Variants in UIMC1 observed in about 807,000 individuals in gnomAD.
UIMC1 encodes the protein ubiquitin interaction motif containing 1, also known as BRCA1-A complex subunit RAP80.
In UIMC1, 42 loss-of-function variants were observed where a neutral mutation model predicts 84.9. That is an observed-to-expected ratio of 0.49 (90% CI 0.39 to 0.64). UIMC1 has a LOEUF of 0.64. Among genes scored for constraint, UIMC1 ranks in the 30% least tolerant of loss-of-function variants. The pLI is 0.00. For missense variants in UIMC1, 825 were observed against 847.6 expected (o/e 0.97, Z 0.33); for synonymous variants, 281 against 293.0 (o/e 0.96, Z 0.42).
intron 1 of UIMC1, among the ~76,000 whole-genome samples, chr5:176,985,410 C>T (rs1014509237): frequency 3.3e-5 from 5 of 150,004 alleles, no homozygotes; most frequent in South Asian, 2.1e-4. Flanking sequence ...GAGCTGAGAT[C>T]GCACCACTGC....
intron 4 of UIMC1, 168 bp downstream of exon 4, chr5:176,970,574 G>T: frequency 9.7e-7 from 1 of 1,028,766 alleles, no homozygotes; most frequent in Non-Finnish European, 1.5e-6. Flanking sequence ...ACTTTAAATT[G>T]GGTTAACCAA....
At chr5:177,007,166 C>A (rs1419042460), upstream of UIMC1, among the ~76,000 whole-genome samples, 1 of 151,684 alleles carries the variant, frequency 6.6e-6, no homozygotes, top group Non-Finnish European at 1.5e-5. Flanking sequence ...CATAGAGAAA[C>A]CCCTTCTGTA....
intron 1 of UIMC1, chr5:177,001,475 C>T (rs1198658667): frequency 6.6e-6 from 1 of 152,134 alleles, no homozygotes; most frequent in South Asian, 2.1e-4. Flanking sequence ...CCAAACTGAT[C>T]CTAGGTTGTT....
In UIMC1 at chr5:176,907,102, T is replaced by C; in HGVS notation, c.1912+12A>G. ...AGGCAGAAGCCCAGAAAACTGGTCC[T>C]GGGGTCCTCACCTGAAGTCTTGTGC... On this transcript the variant is annotated intron_variant, in intron 13 of 14. Coordinates refer to ENST00000511320, the MANE Select transcript of UIMC1 (RefSeq NM_001199298.2). 6.2e-7 allele frequency: 1 copy of C among 1,613,514 alleles called. No individual in the cohort carries two copies. The highest frequency in any genetic ancestry group is 8.5e-7 in the Non-Finnish European group (1 of 1,179,736).
chr5:176,976,878 T>C (rs1319102073), intron 2 of UIMC1, among the ~76,000 whole-genome samples: 1 of 152,056 alleles, frequency 6.6e-6, no homozygotes, highest in Non-Finnish European at 1.5e-5. Flanking sequence ...CACAGTATAG[T>C]GTGGGGTGAG....
intron 10 of UIMC1, among the ~76,000 whole-genome samples, chr5:176,939,990 C>T (rs957823142): frequency 2.6e-5 from 4 of 152,118 alleles, no homozygotes; most frequent in Admixed American, 6.6e-5. Flanking sequence ...CAGCATTAGA[C>T]GGGGTCACTG....
chr5:176,956,076 A>C (rs756359226), intron 7 of UIMC1, 41 bp from the exon 8 acceptor site: 1 of 1,599,532 alleles, frequency 6.3e-7, no homozygotes, highest in Non-Finnish European at 8.6e-7. Context: ...CCAGTAAAAT[A>C]AATCAGAACA....
At chr5:176,945,969 T>A (rs1483750951) in intron 9 of UIMC1, among the ~76,000 whole-genome samples, 1 of 152,212 alleles carries the variant, frequency 6.6e-6, no homozygotes, top group Admixed American at 6.5e-5. Flanking sequence ...TACTTCTACA[T>A]AGAAATGTAC....
intron 1 of UIMC1, chr5:177,002,110 G>T (rs1774588327): frequency 7.0e-6 from 1 of 142,796 alleles, no homozygotes; most frequent in African/African-American, 2.7e-5. Context: ...GCAACAGTAA[G>T]ACTGTCTCAA....
At chr5:176,984,624 T>C (rs1771675776) in intron 1 of UIMC1, among the ~76,000 whole-genome samples, 1 of 150,248 alleles carries the variant, frequency 6.7e-6, no homozygotes, top group African/African-American at 2.5e-5. Context: ...CAGGCCATGA[T>C]GACGATGGCG....
In UIMC1 at chr5:176,996,951, T is replaced by C. The variant is rs535087558; in HGVS notation, c.-9+9699A>G. Among the ~76,000 whole-genome samples, 244 of 152,228 alleles carry C rather than the reference T, an allele frequency of 1.6e-3. 1 individual carries two copies. Among genetic ancestry groups the C allele is most frequent in the African/African-American group, 5.6e-3 (234 of 41,506 alleles). ...AAAATATCCCAGAATGGTCAGAGGC[T>C]GTTGAAATGCACAGCAGAGACCACA... On this transcript the variant is annotated intron_variant, in intron 1 of 14. Coordinates refer to ENST00000511320, the MANE Select transcript of UIMC1 (RefSeq NM_001199298.2).
intron 1 of UIMC1, among the ~76,000 whole-genome samples, chr5:177,014,870 C>T (rs905139924): frequency 1.1e-4 from 16 of 152,076 alleles, no homozygotes; most frequent in Admixed American, 3.9e-4. Context: ...TATACTGGGT[C>T]TCTTATACCA....
intron 1 of UIMC1, among the ~76,000 whole-genome samples, chr5:176,985,580 T>G (rs1208210045): frequency 6.6e-6 from 1 of 152,170 alleles, no homozygotes; most frequent in Non-Finnish European, 1.5e-5. Flanking sequence ...TTGCTTTTCT[T>G]GACTACATAT....
intron 1 of UIMC1, among the ~76,000 whole-genome samples, chr5:177,019,928 T>TAAAAA (rs36095013): frequency 1.4e-5 from 2 of 145,972 alleles, no homozygotes; most frequent in African/African-American, 5.0e-5. Flanking sequence ...ACTCCGTCTA[T>TAAAAA]AAAAAAAAAA....
At chr5:176,999,631 CA>C (rs1774155295) in intron 1 of UIMC1, among the ~76,000 whole-genome samples, 1 of 151,994 alleles carries the variant, frequency 6.6e-6, no homozygotes, top group South Asian at 2.1e-4. Context: ...TTAGATCCCA[CA>C]AATAAGTGAG....
At chr5:176,936,305 A>G (rs1416732342) in intron 10 of UIMC1, among the ~76,000 whole-genome samples, 3 of 152,234 alleles carry the variant, frequency 2.0e-5, no homozygotes, top group East Asian at 3.8e-4. Flanking sequence ...CCTGAAAGAG[A>G]TAACTTGTCA....
chr5:176,984,750 A>C (rs1007809913), intron 1 of UIMC1, among the ~76,000 whole-genome samples: 3 of 152,210 alleles, frequency 2.0e-5, no homozygotes, highest in Admixed American at 1.3e-4. Flanking sequence ...TGTACTAAGA[A>C]AAATTCTTCT....
At chr5:176,930,490 G>C (rs1402402559) in intron 10 of UIMC1, among the ~76,000 whole-genome samples, 1 of 152,136 alleles carries the variant, frequency 6.6e-6, no homozygotes, top group Non-Finnish European at 1.5e-5. Context: ...TCTTTTATAA[G>C]TGAAATAACA....
At chr5:176,989,330 C>T (rs1371690675) in intron 1 of UIMC1, among the ~76,000 whole-genome samples, 1 of 152,094 alleles carries the variant, frequency 6.6e-6, no homozygotes. Context: ...GCATTTAATG[C>T]ATATTTTTAA....
Sources: gnomAD v4.1 joint callset for allele counts (sites outside exome capture counted in the v4.1 genomes callset) on GRCh38, gnomAD v4.1.1 for gene constraint, MANE v1.5 for transcripts, NCBI Gene and HGNC (gene_info 2026-07-23, HGNC 2026-07-21) for gene names.